The following OSBPL6 variants were observed in gnomAD, a reference collection of about 807,000 sequenced individuals.
OSBPL6 encodes oxysterol-binding protein-related protein 6.
In OSBPL6, 49 loss-of-function variants were observed where a neutral mutation model predicts 125.8. The observed-to-expected ratio is 0.39, with a 90% confidence interval of 0.31 to 0.49. The LOEUF (loss-of-function observed/expected upper bound fraction) is 0.49. Ranked by LOEUF, OSBPL6 falls within the 20% of genes least tolerant of loss-of-function variation. The pLI, the probability that OSBPL6 is intolerant of heterozygous loss-of-function variation, is 0.88. For missense variants in OSBPL6, 986 were observed against 1,135.4 expected (o/e 0.87, Z 1.89); for synonymous variants, 394 against 391.8 (o/e 1.01, Z -0.07).
chr2:178,348,479 C>T (rs186711640), intron 11 of OSBPL6, among the ~76,000 whole-genome samples: 2 of 152,274 alleles, frequency 1.3e-5, no homozygotes, highest in Admixed American at 1.3e-4. Context: ...AATCAGGAAC[C>T]TAGTCCATAT....
intron 1 of OSBPL6, among the ~76,000 whole-genome samples, chr2:178,234,705 A>G (rs980138638): frequency 2.6e-5 from 4 of 152,130 alleles, no homozygotes; most frequent in African/African-American, 4.8e-5. Flanking sequence ...GTAAGGTCCA[A>G]TTTATCCATT....
chr2:178,211,678 T>C (rs1309906239), intron 1 of OSBPL6, among the ~76,000 whole-genome samples: 1 of 152,190 alleles, frequency 6.6e-6, no homozygotes, highest in Non-Finnish European at 1.5e-5. Context: ...TCATCTTTGC[T>C]TTTGGATCTC....
intron 13 of OSBPL6, among the ~76,000 whole-genome samples, chr2:178,366,648 A>G (rs550883857): frequency 6.6e-6 from 1 of 152,368 alleles, no homozygotes; most frequent in Admixed American, 6.5e-5. Flanking sequence ...TGCTTAACAT[A>G]CTATATAGTA....
chr2:178,295,969 G>C (rs1685712722), intron 2 of OSBPL6, among the ~76,000 whole-genome samples: 2 of 152,196 alleles, frequency 1.3e-5, no homozygotes, highest in East Asian at 3.9e-4. Context: ...TAATTTCAGA[G>C]GAAAAATCTT....
At chr2:178,227,449 G>A (rs1156442328) in intron 1 of OSBPL6, among the ~76,000 whole-genome samples, 1 of 152,074 alleles carries the variant, frequency 6.6e-6, no homozygotes, top group African/African-American at 2.4e-5. Flanking sequence ...ACTCTTTCAG[G>A]TTTACATATA....
chr2:178,277,556 G>A (rs1294568257), intron 1 of OSBPL6, among the ~76,000 whole-genome samples: 1 of 152,222 alleles, frequency 6.6e-6, no homozygotes, highest in Admixed American at 6.5e-5. Context: ...TGGTAGAACT[G>A]TGATAGACTG....
intron 3 of OSBPL6, among the ~76,000 whole-genome samples, chr2:178,313,820 A>C (rs760711422): frequency 6.6e-6 from 1 of 152,224 alleles, no homozygotes; most frequent in Non-Finnish European, 1.5e-5. Flanking sequence ...GGCCATCCCC[A>C]GCAGTGACTC....
chr2:178,345,920 G>A (rs1690662991), intron 11 of OSBPL6, among the ~76,000 whole-genome samples: 1 of 152,116 alleles, frequency 6.6e-6, no homozygotes, highest in African/African-American at 2.4e-5. Context: ...ATTGAGAGTA[G>A]AAGAGAAAAA....
At chr2:178,254,392 C>CA (rs397754204) in intron 1 of OSBPL6, among the ~76,000 whole-genome samples, 35,537 of 121,430 alleles carry the variant, frequency 0.29, 4,914 homozygotes, top group African/African-American at 0.44. Context: ...GATTCTGTCT[C>CA]AAAAAAAAAA....
At chr2:178,361,642 A>G in intron 12 of OSBPL6, 40 bp from the exon 13 acceptor site, 1 of 1,609,074 alleles carries the variant, frequency 6.2e-7, no homozygotes, top group Non-Finnish European at 8.5e-7. Context: ...TTCTTTCTGC[A>G]CATATCTGAC....
In OSBPL6 at chr2:178,395,973, C is replaced by CA. The variant is rs1417525211; in HGVS notation, c.*415dup. ...TGTCTGGAAGCACCATCCCCTATCGCAGGACTCCTGGGCCACAAGCAGTCG... is the reference window on the plus strand; with the variant it reads ...TGTCTGGAAGCACCATCCCCTATCGCAAGGACTCCTGGGCCACAAGCAGTCG... On this transcript the variant is annotated 3_prime_UTR_variant, in exon 25 of 25. Transcript: ENST00000190611. The CA allele has an allele frequency of 2.8e-6, 1 of 355,568 alleles. No homozygotes were observed. The highest frequency in any genetic ancestry group is 2.1e-5 in the African/African-American group (1 of 46,792). 22.0% of individuals were successfully genotyped at this position (355,568 alleles called of 1,614,324 possible).
intron 4 of OSBPL6, among the ~76,000 whole-genome samples, chr2:178,327,787 T>C (rs1250471911): frequency 6.6e-6 from 1 of 151,792 alleles, no homozygotes; most frequent in Non-Finnish European, 1.5e-5. Context: ...ACCACAGCGC[T>C]GTTATTCCCT....
At chr2:178,373,847 C>A in intron 14 of OSBPL6, 43 bp from the exon 15 acceptor site, 1 of 1,607,310 alleles carries the variant, frequency 6.2e-7, no homozygotes, top group Admixed American at 1.7e-5. Flanking sequence ...GCTATTCTAA[C>A]AGGGAGAAAA....
At position 178,340,929 on chromosome 2, in the gene OSBPL6, C is replaced by CA. The variant is rs201734408; in HGVS notation, c.987+1166dup. 6.5e-3 allele frequency among the ~76,000 whole-genome samples: 986 copies of CA among 152,078 alleles called. 7 individuals carry two copies. Among genetic ancestry groups the CA allele is most frequent in the African/African-American group, 0.02 (851 of 41,522 alleles). On this transcript the variant is annotated intron_variant, in intron 11 of 24. Coordinates refer to ENST00000190611, the MANE Select transcript of OSBPL6 (RefSeq NM_032523.4). ...TATTAGAATGTCTACATTCAATAAA[C>CA]ACAACTTTTTGTGTTCCTTTGCTCA...
intron 1 of OSBPL6, among the ~76,000 whole-genome samples, chr2:178,223,763 C>T (rs978119856): frequency 6.6e-6 from 1 of 152,164 alleles, no homozygotes; most frequent in African/African-American, 2.4e-5. Context: ...GTATCTTTGG[C>T]TCTTTGAAAC....
chr2:178,383,293 C>T lies in OSBPL6; in HGVS notation c.1875+16C>T. The T allele has an allele frequency of 6.2e-7, 1 of 1,610,094 alleles. No individual in the cohort carries two copies. Among genetic ancestry groups the T allele is most frequent in the Non-Finnish European group, 8.5e-7 (1 of 1,178,274 alleles). Reference sequence around the variant, plus strand: ...TGAGCGCATGGTAATAAATAACTAACAGAGCAGCGCCCCTCAGGGATTTGC... The same window carrying T: ...TGAGCGCATGGTAATAAATAACTAATAGAGCAGCGCCCCTCAGGGATTTGC... On this transcript the variant is annotated intron_variant, in intron 17 of 24. Transcript: ENST00000190611.
chr2:178,273,313 G>A (rs80336679), intron 1 of OSBPL6, among the ~76,000 whole-genome samples: 3,296 of 152,104 alleles, frequency 0.022, 62 homozygotes, highest in South Asian at 0.096. Flanking sequence ...TAATATGGCC[G>A]GGCTGTGGCA....
chr2:178,243,167 G>A (rs1263377550), intron 1 of OSBPL6, among the ~76,000 whole-genome samples: 2 of 152,096 alleles, frequency 1.3e-5, no homozygotes, highest in Non-Finnish European at 2.9e-5. Context: ...TTCTTAGAGA[G>A]GCCCTGTGTT....
chr2:178,248,921 A>T (rs911105922), intron 1 of OSBPL6, among the ~76,000 whole-genome samples: 7 of 151,864 alleles, frequency 4.6e-5, no homozygotes, highest in African/African-American at 1.7e-4. Flanking sequence ...TACCTTTTGT[A>T]TTTTTTATTT....
Sources: gnomAD v4.1 joint callset for allele counts (sites outside exome capture counted in the v4.1 genomes callset) on GRCh38, gnomAD v4.1.1 for gene constraint, MANE v1.5 for transcripts, NCBI Gene and HGNC (gene_info 2026-07-23, HGNC 2026-07-21) for gene names.